The following LSAMP variants were observed in gnomAD, a reference collection of about 807,000 sequenced individuals.
LSAMP encodes the protein limbic system associated membrane protein, also known as limbic system-associated membrane protein.
A neutral mutation model predicts 38.6 loss-of-function variants in LSAMP; 7 were observed. That is an observed-to-expected ratio of 0.18 (90% CI 0.10 to 0.34). LSAMP has a LOEUF of 0.34. Ranked by LOEUF, LSAMP falls within the 10% of genes least tolerant of loss-of-function variation. LSAMP has a pLI of 1.00. For synonymous variants in LSAMP, 154 were observed against 166.8 expected (o/e 0.92, Z 0.59); for missense variants, 313 against 420.0 (o/e 0.75, Z 2.23).
chr3:116,348,174 T>C (rs1553726346), intron 1 of LSAMP, among the ~76,000 whole-genome samples: 1 of 152,084 alleles, frequency 6.6e-6, no homozygotes, highest in Non-Finnish European at 1.5e-5. Context: ...ATTTTACAAT[T>C]GAATAAATTT....
At chr3:116,366,501 G>T (rs1290359506) in intron 1 of LSAMP, among the ~76,000 whole-genome samples, 1 of 152,046 alleles carries the variant, frequency 6.6e-6, no homozygotes, top group Non-Finnish European at 1.5e-5. Context: ...GTGGTTCTTT[G>T]TGCCACTCAG....
At chr3:115,829,570 A>G (rs1934542050) in intron 6 of LSAMP, among the ~76,000 whole-genome samples, 1 of 152,108 alleles carries the variant, frequency 6.6e-6, no homozygotes, top group Admixed American at 6.5e-5. Context: ...CATACTTTAT[A>G]CCCTTGACCA....
At chr3:116,333,365 C>T (rs974508786) in intron 1 of LSAMP, among the ~76,000 whole-genome samples, 5 of 151,648 alleles carry the variant, frequency 3.3e-5, no homozygotes, top group African/African-American at 1.2e-4. Context: ...ATGGTGAAAC[C>T]CCTTCTCTAC....
At chr3:115,941,465 T>C (rs1937917716) in intron 3 of LSAMP, among the ~76,000 whole-genome samples, 1 of 152,156 alleles carries the variant, frequency 6.6e-6, no homozygotes, top group Non-Finnish European at 1.5e-5. Context: ...TGAAAAGTTA[T>C]CTGTACCGCC....
chr3:116,399,591 G>A (rs1174996604), intron 1 of LSAMP, among the ~76,000 whole-genome samples: 1 of 152,150 alleles, frequency 6.6e-6, no homozygotes, highest in East Asian at 1.9e-4. Flanking sequence ...GTTGACTGAT[G>A]GGATCACAGA....
At chr3:115,971,618 G>A (rs545848898) in intron 3 of LSAMP, among the ~76,000 whole-genome samples, 141 of 152,216 alleles carry the variant, frequency 9.3e-4, no homozygotes, top group South Asian at 1.9e-3. Flanking sequence ...CTTCCTAAAA[G>A]TTAGTAAAAA....
chr3:116,272,604 G>A (rs967740384), intron 1 of LSAMP, among the ~76,000 whole-genome samples: 1 of 152,084 alleles, frequency 6.6e-6, no homozygotes, highest in African/African-American at 2.4e-5. Context: ...GATGATTTAT[G>A]TTGCTGTTAT....
chr3:116,018,013 G>C (rs1389182669), intron 3 of LSAMP, among the ~76,000 whole-genome samples: 1 of 152,020 alleles, frequency 6.6e-6, no homozygotes, highest in Non-Finnish European at 1.5e-5. Context: ...TTCATTCCAA[G>C]GGAAAGATAT....
chr3:115,842,689 C>T (rs2107505755), intron 4 of LSAMP, 111 bp from the exon 5 acceptor site: 2 of 1,334,080 alleles, frequency 1.5e-6, no homozygotes, highest in South Asian at 1.4e-5. Context: ...GGAAGGGAGC[C>T]ATCTTAAAGC....
chr3:116,353,822 T>G (rs967076774), intron 1 of LSAMP, among the ~76,000 whole-genome samples: 3 of 152,136 alleles, frequency 2.0e-5, no homozygotes, highest in Admixed American at 2.0e-4. Context: ...CACTGGACTA[T>G]AAATTATTAA....
intron 1 of LSAMP, among the ~76,000 whole-genome samples, chr3:116,136,658 C>T (rs968135521): frequency 2.6e-5 from 4 of 152,216 alleles, no homozygotes; most frequent in African/African-American, 9.6e-5. Flanking sequence ...GATGGTATCA[C>T]CCCTTCTTAT....
chr3:116,047,006 A>C (rs1413088689), intron 2 of LSAMP, among the ~76,000 whole-genome samples: 1 of 152,196 alleles, frequency 6.6e-6, no homozygotes, highest in Non-Finnish European at 1.5e-5. Context: ...CTGAGAAACA[A>C]GCCCTGTTTT....
At chr3:116,419,600 A>G (rs2049095809) in intron 1 of LSAMP, among the ~76,000 whole-genome samples, 1 of 152,190 alleles carries the variant, frequency 6.6e-6, no homozygotes, top group Non-Finnish European at 1.5e-5. Flanking sequence ...AAAGACACTT[A>G]TTTGGGGTAA....
chr3:116,255,091 A>T (rs1002525916), intron 1 of LSAMP, among the ~76,000 whole-genome samples: 1 of 152,156 alleles, frequency 6.6e-6, no homozygotes, highest in African/African-American at 2.4e-5. Flanking sequence ...TCTCATTTCA[A>T]TGAAGAGCTC....
At position 116,011,587 on chromosome 3, in the gene LSAMP, G is replaced by A. The variant is rs550570630; in HGVS notation, c.514+7928C>T. ...ATTAAGCAAAAAAAAAAATTAACCTGACCATTTCCATACTTAGAAATAGTA... is the reference window on the plus strand; with the variant it reads ...ATTAAGCAAAAAAAAAAATTAACCTAACCATTTCCATACTTAGAAATAGTA... On this transcript the variant is annotated intron_variant, in intron 3 of 6. Coordinates refer to ENST00000490035, the MANE Select transcript of LSAMP (RefSeq NM_002338.5). 2.0e-5 allele frequency among the ~76,000 whole-genome samples: 3 copies of A among 152,044 alleles called. No individual in the cohort carries two copies. The East Asian group carries it at 5.8e-4, about 29-fold the overall frequency.
chr3:115,822,341 T>A (rs909769053), intron 6 of LSAMP, among the ~76,000 whole-genome samples: 3 of 148,168 alleles, frequency 2.0e-5, no homozygotes, highest in Non-Finnish European at 3.0e-5. Flanking sequence ...CTTTCTTTCT[T>A]CTTTCTCTCT....
intron 1 of LSAMP, among the ~76,000 whole-genome samples, chr3:116,141,357 G>A (rs1047133782): frequency 3.3e-5 from 5 of 151,762 alleles, no homozygotes; most frequent in Admixed American, 3.3e-4. Context: ...AGAAATGGAG[G>A]GGGGATTGCT....
chr3:116,240,281 T>C (rs1271095903), intron 1 of LSAMP, among the ~76,000 whole-genome samples: 1 of 152,208 alleles, frequency 6.6e-6, no homozygotes, highest in Non-Finnish European at 1.5e-5. Flanking sequence ...TTGGAGCTTT[T>C]GTAAGATGGC....
At chr3:115,899,309 A>ATTTGCATCTG in intron 3 of LSAMP, among the ~76,000 whole-genome samples, 1 of 152,070 alleles carries the variant, frequency 6.6e-6, no homozygotes, top group Non-Finnish European at 1.5e-5. Flanking sequence ...GATTTTCTTT[A>ATTTGCATCTG]ACACCTGTTT....
Sources: allele counts gnomAD v4.1 joint callset (sites outside exome capture counted in the v4.1 genomes callset), GRCh38; gene constraint gnomAD v4.1.1; transcripts MANE v1.5; gene names NCBI Gene and HGNC (gene_info 2026-07-23, HGNC 2026-07-21).